Variants in CCBE1 observed in about 807,000 individuals in gnomAD.
The protein encoded by CCBE1 is collagen and calcium binding EGF domains 1, also known as collagen and calcium-binding EGF domain-containing protein 1.
CCBE1 carries 37 observed loss-of-function variants against 50.0 expected under a neutral mutation model. That is an observed-to-expected ratio of 0.74 (90% CI 0.57 to 0.97). The LOEUF is 0.97. CCBE1 is among the 50% of genes least tolerant of loss of function. The pLI is 0.00. For synonymous variants in CCBE1, 234 were observed against 203.7 expected (o/e 1.15, Z -1.27); for missense variants, 538 against 523.8 (o/e 1.03, Z -0.26).
At chr18:59,601,935 C>T (rs146655027) in intron 2 of CCBE1, among the ~76,000 whole-genome samples, 26 of 152,166 alleles carry the variant, frequency 1.7e-4, no homozygotes, top group African/African-American at 5.8e-4. Flanking sequence ...TCTACTTTGC[C>T]CATCTTTAAA....
At chr18:59,478,995 G>A (rs1289860021) in intron 3 of CCBE1, among the ~76,000 whole-genome samples, 1 of 152,186 alleles carries the variant, frequency 6.6e-6, no homozygotes, top group Non-Finnish European at 1.5e-5. Flanking sequence ...ATGGTTCAAT[G>A]AACTGTCCCA....
chr18:59,447,426 G>GTCA (rs1384252765), intron 7 of CCBE1, among the ~76,000 whole-genome samples: 5 of 152,280 alleles, frequency 3.3e-5, no homozygotes, highest in African/African-American at 1.2e-4. Flanking sequence ...AAATACATCT[G>GTCA]TCAAAATTTG....
In CCBE1 at chr18:59,583,538, A is replaced by T. The variant is rs370668812; in HGVS notation, c.213-103300T>A. Among the ~76,000 whole-genome samples the T allele has an allele frequency of 2.4e-4, 37 of 152,274 alleles. No individual in the cohort carries two copies. In the South Asian group the frequency reaches 7.7e-3, roughly 32 times the overall value. ...TTTAGCTTTTCATTATCAAATGGCC[A>T]ATGCCCTTTTTCTAAAGGGTGATAT... On this transcript the variant is annotated intron_variant, in intron 2 of 10. Transcript: ENST00000439986.
At chr18:59,467,668 T>G (rs1911816985) in intron 4 of CCBE1, among the ~76,000 whole-genome samples, 1 of 152,180 alleles carries the variant, frequency 6.6e-6, no homozygotes, top group Non-Finnish European at 1.5e-5. Flanking sequence ...GGAGGCCCAA[T>G]TCCATTTCCT....
chr18:59,435,585 T>TG lies in CCBE1; in HGVS notation c.*322dup, dbSNP rs1910113030. ...TGCCAAATTTAACTTCAAGAATTTA[T>TG]GATTTAAGACACTGTGAGAGTACTT... is the stretch of plus-strand genomic sequence containing the variant. On this transcript the variant is annotated 3_prime_UTR_variant, in exon 11 of 11. Transcript: ENST00000439986. 2.8e-6 allele frequency: 1 copy of TG among 358,984 alleles called. No homozygotes were observed. Among genetic ancestry groups the TG allele is most frequent in the African/African-American group, 2.1e-5 (1 of 48,422 alleles). The allele number at this position is 358,984 out of a possible 1,614,324, so 22.2% of individuals were successfully genotyped here.
At chr18:59,573,111 CCT>C (rs1422556444) in intron 2 of CCBE1, among the ~76,000 whole-genome samples, 1 of 151,158 alleles carries the variant, frequency 6.6e-6, no homozygotes, top group Non-Finnish European at 1.5e-5. Flanking sequence ...ATGGTAAAAC[CCT>C]GTCTCTACTA....
At chr18:59,463,065 A>C (rs1911568618) in intron 5 of CCBE1, among the ~76,000 whole-genome samples, 1 of 152,264 alleles carries the variant, frequency 6.6e-6, no homozygotes, top group Non-Finnish European at 1.5e-5. Context: ...TTTACTTGAA[A>C]AATATTTAAG....
At chr18:59,504,268 A>C (rs1281403427) in intron 2 of CCBE1, among the ~76,000 whole-genome samples, 2 of 151,924 alleles carry the variant, frequency 1.3e-5, no homozygotes, top group Non-Finnish European at 2.9e-5. Context: ...TTTAAATTAC[A>C]CTCTAGCTAT....
chr18:59,678,171 G>A (rs1599129230), intron 2 of CCBE1, among the ~76,000 whole-genome samples: 1 of 152,144 alleles, frequency 6.6e-6, no homozygotes, highest in South Asian at 2.1e-4. Flanking sequence ...AGAAGGAGGG[G>A]GGAGGACTCA....
chr18:59,611,738 T>C (rs1182909209), intron 2 of CCBE1, among the ~76,000 whole-genome samples: 1 of 151,664 alleles, frequency 6.6e-6, no homozygotes. Context: ...AGAGTGCAAC[T>C]CTGTCTTAAA....
intron 2 of CCBE1, among the ~76,000 whole-genome samples, chr18:59,516,241 T>G (rs937424059): frequency 4.9e-5 from 7 of 141,538 alleles, no homozygotes; most frequent in African/African-American, 1.7e-4. Context: ...TTACAGTTTG[T>G]TTTTTTTTTT....
chr18:59,618,986 A>G (rs966633355), intron 2 of CCBE1, among the ~76,000 whole-genome samples: 1 of 152,222 alleles, frequency 6.6e-6, no homozygotes, highest in Non-Finnish European at 1.5e-5. Context: ...CATAGTTACA[A>G]ATCATCTAAT....
chr18:59,457,828 T>G (rs1911267973), intron 5 of CCBE1, among the ~76,000 whole-genome samples: 1 of 152,232 alleles, frequency 6.6e-6, no homozygotes, highest in African/African-American at 2.4e-5. Flanking sequence ...CCTATGGAGC[T>G]TGAATACTCC....
At chr18:59,634,387 C>T (rs570172586) in intron 2 of CCBE1, among the ~76,000 whole-genome samples, 3 of 152,178 alleles carry the variant, frequency 2.0e-5, no homozygotes, top group African/African-American at 4.8e-5. Flanking sequence ...GCATGACCTG[C>T]GATCCCTAAA....
chr18:59,641,594 C>A (rs2053991751), intron 2 of CCBE1, among the ~76,000 whole-genome samples: 1 of 152,116 alleles, frequency 6.6e-6, no homozygotes, highest in Non-Finnish European at 1.5e-5. Context: ...TACCCCTGAA[C>A]CTAAGTTAGA....
intron 2 of CCBE1, among the ~76,000 whole-genome samples, chr18:59,562,230 C>G (rs1382403859): frequency 4.6e-5 from 7 of 152,182 alleles, no homozygotes. Context: ...CATGCAAACA[C>G]ACAAGCTGAC....
chr18:59,652,764 A>G (rs967655916), intron 2 of CCBE1, among the ~76,000 whole-genome samples: 6 of 152,168 alleles, frequency 3.9e-5, no homozygotes, highest in African/African-American at 1.4e-4. Context: ...GGAGATTGAG[A>G]CCATCCTGGC....
At chr18:59,613,977 G>A (rs929704330) in intron 2 of CCBE1, among the ~76,000 whole-genome samples, 5 of 149,380 alleles carry the variant, frequency 3.3e-5, no homozygotes, top group Non-Finnish European at 7.4e-5. Flanking sequence ...TGGTCCATGC[G>A]ATTCTCGTTC....
At chr18:59,513,840 C>A (rs1204809951) in intron 2 of CCBE1, among the ~76,000 whole-genome samples, 1 of 152,124 alleles carries the variant, frequency 6.6e-6, no homozygotes, top group Non-Finnish European at 1.5e-5. Context: ...TGGCTCCAAG[C>A]CTGTGCTCCT....
Sources: allele counts gnomAD v4.1 joint callset (sites outside exome capture counted in the v4.1 genomes callset), GRCh38; gene constraint gnomAD v4.1.1; transcripts MANE v1.5; gene names NCBI Gene and HGNC (gene_info 2026-07-23, HGNC 2026-07-21).